AGAP1: variants seen among roughly 807,000 people sequenced by gnomAD.
AGAP1 encodes ArfGAP with GTPase domain, ankyrin repeat and PH domain 1.
AGAP1 carries 29 observed loss-of-function variants against 105.3 expected under a neutral mutation model. The ratio of observed to expected loss-of-function variants is 0.28; its 90% CI spans 0.21 to 0.38. The LOEUF is 0.38. AGAP1 is among the 10% of genes least tolerant of loss of function. The pLI is 1.00. For synonymous variants in AGAP1, 509 were observed against 485.9 expected (o/e 1.05, Z -0.63); for missense variants, 998 against 1,165.1 (o/e 0.86, Z 2.09).
chr2:236,036,581 T>C lies in AGAP1; in HGVS notation c.1666T>C (p.Phe556Leu), dbSNP rs781267036. The change falls in exon 14 of 18, where the codon TTT (phenylalanine) becomes CTT (leucine). Residue 556 changes from phenylalanine to leucine, a missense_variant. Physicochemically the swap from Phe to Leu is conservative, Grantham distance 22. Around this residue, in one of 3 missense-constraint regions of AGAP1, gnomAD observed 735 missense variants for 833.4 expected, o/e 0.88. Transcript: ENST00000304032. This position sits in a 1 kb window ranked among gnomAD's most constrained non-coding sequence, Gnocchi z 5.7. ...TTCAGAACAAGAAGAAAATTTTGAG[T>C]TTATCATTGTGTCCCTCACTGGCCA... Reference protein sequence around the residue: ...TAEEQEENFEFIIVSLTGQTW... With the variant: ...TAEEQEENFELIIVSLTGQTW... 1 of 1,614,002 alleles carries C rather than the reference T, an allele frequency of 6.2e-7. No homozygotes were observed. The highest frequency in any genetic ancestry group is 1.1e-5 in the South Asian group (1 of 91,072).
intron 1 of AGAP1, among the ~76,000 whole-genome samples, chr2:235,534,790 G>A (rs1183240288): frequency 1.3e-5 from 2 of 152,284 alleles, no homozygotes; most frequent in Admixed American, 1.3e-4. Flanking sequence ...CCGTGGAAGA[G>A]CCAACGGCAG....
At chr2:235,998,514 G>A (rs1235935647) in intron 13 of AGAP1, among the ~76,000 whole-genome samples, 1 of 152,166 alleles carries the variant, frequency 6.6e-6, no homozygotes, top group Non-Finnish European at 1.5e-5. Context: ...AGATAGATTA[G>A]TACTTCACTC....
At position 235,788,061 on chromosome 2, in the gene AGAP1, G is replaced by A. The variant is rs529034937; in HGVS notation, c.674-9698G>A. On this transcript the variant is annotated intron_variant, in intron 6 of 17. Transcript: ENST00000304032. This position sits in a 1 kb window ranked among gnomAD's most constrained non-coding sequence, Gnocchi z 6.0. The stretch of plus-strand genomic sequence containing the variant: ...CATTGGCATCAACGCTGCAGCCTCT[G>A]AGTCATGCATGCCTCATGGGGTCAT... 9.2e-5 allele frequency among the ~76,000 whole-genome samples: 14 copies of A among 152,304 alleles called. No homozygotes were observed. The highest frequency in any genetic ancestry group is 3.4e-4 in the African/African-American group (14 of 41,566).
At position 235,669,955 on chromosome 2, in the gene AGAP1, G is replaced by C. The variant is rs893516613; in HGVS notation, c.164-39224G>C. The C allele has an allele frequency of 3.4e-5, 6 of 178,604 alleles. No homozygotes were observed. In the Admixed American group the frequency reaches 3.8e-4, roughly 11 times the overall value. The allele number at this position is 178,604 out of a possible 1,614,324, so 11.1% of individuals were successfully genotyped here. The stretch of plus-strand genomic sequence containing the variant: ...GCACGGGCCGGCGGGTGCCAGGGGC[G>C]CCGTCCCCGCAGCCTGAGTGCGGCC... On this transcript the variant is annotated intron_variant, in intron 1 of 17. Coordinates refer to ENST00000304032, the MANE Select transcript of AGAP1 (RefSeq NM_001037131.3).
intron 3 of AGAP1, among the ~76,000 whole-genome samples, chr2:235,730,943 T>C (rs1363081123): frequency 6.6e-6 from 1 of 152,158 alleles, no homozygotes; most frequent in Non-Finnish European, 1.5e-5. Context: ...GAGAGGTGCA[T>C]GCTGAGCCTG....
intron 12 of AGAP1, among the ~76,000 whole-genome samples, chr2:235,954,842 C>T (rs565432998): frequency 4.6e-5 from 7 of 152,162 alleles, no homozygotes; most frequent in African/African-American, 1.2e-4. Context: ...CTGCTATTAT[C>T]GCAGCTCCTA....
At position 235,716,851 on chromosome 2, in the gene AGAP1, C is replaced by G. The variant is rs997699633; in HGVS notation, c.223-706C>G. 6.6e-6 allele frequency among the ~76,000 whole-genome samples: 1 copy of G among 152,060 alleles called. No individual in the cohort carries two copies. Among genetic ancestry groups the G allele is most frequent in the Non-Finnish European group, 1.5e-5 (1 of 68,012 alleles). On this transcript the variant is annotated intron_variant, in intron 2 of 17. Coordinates refer to ENST00000304032, the MANE Select transcript of AGAP1 (RefSeq NM_001037131.3). This position sits in a 1 kb window ranked among gnomAD's most constrained non-coding sequence, Gnocchi z 4.0. ...GAAAGTCAGCCTTGCCGCCAGGTTA[C>G]TGCTAGGACAGAGGCCCTCATGTCA...
chr2:235,643,457 A>AAAAAAAAAAAAAAG (rs1553595203), intron 1 of AGAP1, among the ~76,000 whole-genome samples: 15 of 140,394 alleles, frequency 1.1e-4, no homozygotes, highest in African/African-American at 3.8e-4. Flanking sequence ...AAAAAAAAAA[A>AAAAAAAAAAAAAAG]AAAGAAAGAA....
intron 1 of AGAP1, among the ~76,000 whole-genome samples, chr2:235,565,449 G>C (rs1944318006): frequency 6.6e-6 from 1 of 152,220 alleles, no homozygotes; most frequent in Non-Finnish European, 1.5e-5. Context: ...ATTGTTGCCT[G>C]TGCAGTTACA....
Position 235,830,870 on chromosome 2 carries a change from A to G in AGAP1, c.1050+23539A>G, listed in dbSNP as rs542274964. The stretch of plus-strand genomic sequence containing the variant: ...CCAGTAGTCAACTCCTAACTAATAG[A>G]GTAGTTATTAGCTGGTTAGTTGTCT... On this transcript the variant is annotated intron_variant, in intron 9 of 17. Transcript: ENST00000304032. The surrounding 1 kb of genome is among the most constrained non-coding windows in gnomAD (Gnocchi z 5.5). Among the ~76,000 whole-genome samples the G allele has an allele frequency of 6.6e-6, 1 of 152,228 alleles. No homozygotes were observed. Among genetic ancestry groups the G allele is most frequent in the African/African-American group, 2.4e-5 (1 of 41,530 alleles).
At chr2:235,673,191 G>T (rs141316384) in intron 1 of AGAP1, among the ~76,000 whole-genome samples, 1 of 152,148 alleles carries the variant, frequency 6.6e-6, no homozygotes, top group Admixed American at 6.5e-5. Flanking sequence ...ACAGGTAAAA[G>T]GTGTAGCCCC....
intron 6 of AGAP1, among the ~76,000 whole-genome samples, chr2:235,762,355 G>A (rs1954518735): frequency 6.6e-6 from 1 of 152,124 alleles, no homozygotes; most frequent in Non-Finnish European, 1.5e-5. Flanking sequence ...GGTTGAGCCT[G>A]GCCAGACACT....
At chr2:235,565,037 G>A (rs1944301996) in intron 1 of AGAP1, among the ~76,000 whole-genome samples, 1 of 149,084 alleles carries the variant, frequency 6.7e-6, no homozygotes, top group Non-Finnish European at 1.5e-5. Flanking sequence ...TCATGTGTGA[G>A]CCTGGACCAC....
In AGAP1 at chr2:236,095,668, G is replaced by A. The variant is rs1439312844; in HGVS notation, c.2115-24524G>A. 6.6e-6 allele frequency among the ~76,000 whole-genome samples: 1 copy of A among 152,152 alleles called. No individual in the cohort carries two copies. Among genetic ancestry groups the A allele is most frequent in the Non-Finnish European group, 1.5e-5 (1 of 68,018 alleles). ...AATGTACTTTGATGGAGTCAAGTTT[G>A]CAAAAAATGCATAAAACTAATTAGA... On this transcript the variant is annotated intron_variant, in intron 16 of 17. Coordinates refer to ENST00000304032, the MANE Select transcript of AGAP1 (RefSeq NM_001037131.3). This position sits in a 1 kb window ranked among gnomAD's most constrained non-coding sequence, Gnocchi z 4.1.
In AGAP1 at chr2:235,633,572, G is replaced by A. The variant is rs2149291982; in HGVS notation, c.164-75607G>A. On this transcript the variant is annotated intron_variant, in intron 1 of 17. Transcript: ENST00000304032. The surrounding 1 kb of genome is among the most constrained non-coding windows in gnomAD (Gnocchi z 4.8). The stretch of plus-strand genomic sequence containing the variant: ...CGCACCATTGCACTCCAGCCTGGGT[G>A]ACAAGAGCAAGACTCTGTCTTAAAA... Among the ~76,000 whole-genome samples the A allele has an allele frequency of 6.6e-6, 1 of 152,274 alleles. No individual in the cohort carries two copies. Among genetic ancestry groups the A allele is most frequent in the Non-Finnish European group, 1.5e-5 (1 of 68,020 alleles).
At chr2:235,764,344 C>T (rs1954733888) in intron 6 of AGAP1, among the ~76,000 whole-genome samples, 1 of 152,166 alleles carries the variant, frequency 6.6e-6, no homozygotes, top group African/African-American at 2.4e-5. Flanking sequence ...CTGTGGCCCA[C>T]CACGGTCGCT....
At position 235,777,357 on chromosome 2, in the gene AGAP1, A is replaced by G. The variant is rs1955957166; in HGVS notation, c.674-20402A>G. Among the ~76,000 whole-genome samples the G allele has an allele frequency of 6.6e-6, 1 of 152,194 alleles. No homozygotes were observed. The highest frequency in any genetic ancestry group is 1.5e-5 in the Non-Finnish European group (1 of 68,028). On this transcript the variant is annotated intron_variant, in intron 6 of 17. Transcript: ENST00000304032. The surrounding 1 kb of genome is among the most constrained non-coding windows in gnomAD (Gnocchi z 5.1). ...AGAGCGAGACTCTGTCTCAAAAAAA[A>G]AGACAAAAGTGATTTCCTGAGCTGC... is the stretch of plus-strand genomic sequence containing the variant.
chr2:235,810,227 C>T (rs1958060525), intron 9 of AGAP1, among the ~76,000 whole-genome samples: 1 of 152,214 alleles, frequency 6.6e-6, no homozygotes, highest in Non-Finnish European at 1.5e-5. Flanking sequence ...CCTGCTCAGC[C>T]ATTCTCCGGG....
rs558320843 is a variant in AGAP1, at chr2:235,872,549, C to T, written c.1051-10796C>T. Among the ~76,000 whole-genome samples the T allele has an allele frequency of 3.9e-5, 6 of 152,318 alleles. No homozygotes were observed. The highest frequency in any genetic ancestry group is 4.1e-4 in the South Asian group (2 of 4,826). ...CCTGAGCATCTCAGGCAGAGCCTTCCGGCCTCTGTCATCTTCTGGCCAGTA... is the reference window on the plus strand; with the variant it reads ...CCTGAGCATCTCAGGCAGAGCCTTCTGGCCTCTGTCATCTTCTGGCCAGTA... On this transcript the variant is annotated intron_variant, in intron 9 of 17. Coordinates refer to ENST00000304032, the MANE Select transcript of AGAP1 (RefSeq NM_001037131.3). This position sits in a 1 kb window ranked among gnomAD's most constrained non-coding sequence, Gnocchi z 4.5.
Sources: gnomAD v4.1 joint callset for allele counts (sites outside exome capture counted in the v4.1 genomes callset) on GRCh38, gnomAD v4.1.1 for gene constraint, gnomAD v4.1.1 regional missense constraint, Gnocchi (gnomAD v3.1) non-coding constraint, MANE v1.5 for transcripts, NCBI Gene and HGNC (gene_info 2026-07-23, HGNC 2026-07-21) for gene names.